The following ABCA13 variants were observed in gnomAD, a reference collection of about 807,000 sequenced individuals.
ABCA13 encodes the protein ATP binding cassette subfamily A member 13, also known as ATP-binding cassette sub-family A member 13.
In ABCA13, 476 loss-of-function variants were observed where a neutral mutation model predicts 478.7. The observed-to-expected ratio is 0.99, with a 90% CI of 0.92 to 1.07. ABCA13 has a LOEUF of 1.07. Ranked by LOEUF, ABCA13 falls within the 50% of genes least tolerant of loss-of-function variation. The pLI is 0.00. For missense variants in ABCA13, 6,060 were observed against 5,910.6 expected, an observed-to-expected ratio of 1.03 and a Z score of -0.83; for synonymous variants, 2,252 against 2,158.9, an observed-to-expected ratio of 1.04 and a Z score of -1.20.
At chr7:48,398,486 C>T (rs888052799) in intron 38 of ABCA13, among the ~76,000 whole-genome samples, 1 of 152,170 alleles carries the variant, frequency 6.6e-6, no homozygotes, top group Admixed American at 6.5e-5. Flanking sequence ...CCCTATTACT[C>T]TCCTGTATCA....
chr7:48,527,004 A>G (rs943382871), intron 54 of ABCA13, among the ~76,000 whole-genome samples: 30 of 152,148 alleles, frequency 2.0e-4, no homozygotes, highest in African/African-American at 6.8e-4. Context: ...AGTACTTTCT[A>G]AAAAGAACTG....
chr7:48,605,461 A>G (rs1489907239), intron 58 of ABCA13, among the ~76,000 whole-genome samples: 1 of 151,640 alleles, frequency 6.6e-6, no homozygotes, highest in Non-Finnish European at 1.5e-5. Flanking sequence ...TTGTCTGTAA[A>G]GGATTTGCTT....
intron 55 of ABCA13, among the ~76,000 whole-genome samples, chr7:48,533,495 A>G (rs1033471183): frequency 6.6e-5 from 10 of 151,998 alleles, no homozygotes; most frequent in Admixed American, 2.6e-4. Flanking sequence ...TTCTGTAATC[A>G]TCTGTTGAGT....
chr7:48,468,723 G>C (rs1827155498), intron 44 of ABCA13, among the ~76,000 whole-genome samples: 1 of 152,116 alleles, frequency 6.6e-6, no homozygotes, highest in African/African-American at 2.4e-5. Context: ...TTAACTAGAG[G>C]AAACATTTTA....
chr7:48,535,058 G>A lies in ABCA13; in HGVS notation c.14354+6713G>A, dbSNP rs1303984967. The stretch of plus-strand genomic sequence containing the variant: ...TGATCCATTGCTGGTGAGCTGATAC[G>A]ATCTTTTAGGGGTGTTAAAGAATTA... On this transcript the variant is annotated intron_variant, in intron 55 of 61. Coordinates refer to ENST00000435803, the MANE Select transcript of ABCA13 (RefSeq NM_152701.5). 2.0e-5 allele frequency among the ~76,000 whole-genome samples: 3 copies of A among 152,130 alleles called. No individual in the cohort carries two copies. The East Asian group carries it at 5.8e-4, about 29-fold the overall frequency.
chr7:48,241,105 A>T, intron 10 of ABCA13, 39 bp downstream of exon 10: 1 of 1,605,440 alleles, frequency 6.2e-7, no homozygotes, highest in East Asian at 2.2e-5. Context: ...GATTAGGTAG[A>T]TGACACAGAA....
At chr7:48,240,196 C>T (rs1178397385) in intron 9 of ABCA13, among the ~76,000 whole-genome samples, 1 of 152,240 alleles carries the variant, frequency 6.6e-6, no homozygotes. Context: ...GTGTTGTCGT[C>T]TGCTTCGTGG....
At chr7:48,186,201 A>G (rs1796330299) in intron 1 of ABCA13, among the ~76,000 whole-genome samples, 1 of 152,044 alleles carries the variant, frequency 6.6e-6, no homozygotes, top group Non-Finnish European at 1.5e-5. Context: ...CATTATTTGA[A>G]ATTAAAGCAT....
chr7:48,465,363 T>C (rs1826754179), intron 43 of ABCA13, among the ~76,000 whole-genome samples: 1 of 152,180 alleles, frequency 6.6e-6, no homozygotes, highest in Non-Finnish European at 1.5e-5. Flanking sequence ...AGGATGTGGT[T>C]GGAAATTCCT....
chr7:48,239,422 CTA>C lies in ABCA13; in HGVS notation c.1062+19_1062+20del, dbSNP rs1446662926. Reference sequence around the variant, plus strand: ...TACCAACAGGTGCTGTCCCCTCTCTCTATGTTCTGTTCAAAGGTGTGCCAGTT... The same window carrying C: ...TACCAACAGGTGCTGTCCCCTCTCTCTGTTCTGTTCAAAGGTGTGCCAGTT... On this transcript the variant is annotated intron_variant, in intron 9 of 61. Transcript: ENST00000435803. 6.2e-7 allele frequency: 1 copy of C among 1,602,178 alleles called. No homozygotes were observed.
chr7:48,209,986 T>C (rs939980781), intron 3 of ABCA13, among the ~76,000 whole-genome samples: 1 of 152,222 alleles, frequency 6.6e-6, no homozygotes, highest in Non-Finnish European at 1.5e-5. Context: ...TCTTTATTAT[T>C]TCTTCTACTA....
At chr7:48,344,149 A>AT (rs1196388538) in intron 29 of ABCA13, among the ~76,000 whole-genome samples, 1 of 152,120 alleles carries the variant, frequency 6.6e-6, no homozygotes, top group Non-Finnish European at 1.5e-5. Context: ...ACTGAGGATG[A>AT]TTTTGTCCTC....
chr7:48,617,569 G>A lies in ABCA13; in HGVS notation c.14837+2192G>A, dbSNP rs116746927. On this transcript the variant is annotated intron_variant, in intron 59 of 61. Transcript: ENST00000435803. Reference sequence around the variant, plus strand: ...AGCTACAGAAATCCCACAGAGGGGGGACCCAGAGGGCAGGGCTTGGGCTTC... The same window carrying A: ...AGCTACAGAAATCCCACAGAGGGGGAACCCAGAGGGCAGGGCTTGGGCTTC... Among the ~76,000 whole-genome samples, 784 of 152,252 alleles carry A rather than the reference G, an allele frequency of 5.1e-3. 9 individuals are homozygous for A. Among genetic ancestry groups the A allele is most frequent in the African/African-American group, 0.018 (755 of 41,548 alleles).
chr7:48,246,905 A>G (rs1367926352), intron 13 of ABCA13, among the ~76,000 whole-genome samples: 1 of 152,140 alleles, frequency 6.6e-6, no homozygotes, highest in Non-Finnish European at 1.5e-5. Flanking sequence ...TTGGAAGCAA[A>G]GAGAAGTCAG....
Position 48,274,683 on chromosome 7 carries a change from G to A in ABCA13, c.5017G>A (p.Ala1673Thr). ...TTCTGTCATGCGTACCCTTAAGAAGGCAGACATAGACCTTTTAGTGGATCA... is the reference window on the plus strand; with the variant it reads ...TTCTGTCATGCGTACCCTTAAGAAGACAGACATAGACCTTTTAGTGGATCA... ...VTSVMRTLKKADIDLLVDQLE... is the reference protein window; with the variant it reads ...VTSVMRTLKKTDIDLLVDQLE... The change falls in exon 17 of 62, where the codon GCA becomes ACA. Residue 1673 changes from alanine to threonine, a missense_variant. Transcript: ENST00000435803. 6.2e-7 allele frequency: 1 copy of A among 1,613,952 alleles called. No homozygotes were observed. The highest frequency in any genetic ancestry group is 8.5e-7 in the Non-Finnish European group (1 of 1,179,856).
chr7:48,277,270 C>T (rs1305925043), intron 17 of ABCA13, among the ~76,000 whole-genome samples: 4 of 152,076 alleles, frequency 2.6e-5, no homozygotes, highest in Non-Finnish European at 5.9e-5. Flanking sequence ...AGGGGCGCTG[C>T]GGGCATGAGT....
Position 48,273,861 on chromosome 7 carries a change from G to A in ABCA13, c.4195G>A (p.Asp1399Asn), listed in dbSNP as rs756550750. Residue 1399 changes from aspartate to asparagine, a missense_variant, in exon 17 of 62, where the codon GAT becomes AAT. Around this residue, in one of 3 missense-constraint regions of ABCA13, gnomAD observed 4,423 missense variants for 4,309.1 expected, o/e 1.03. Coordinates refer to ENST00000435803, the MANE Select transcript of ABCA13 (RefSeq NM_152701.5). ...SSLKGCIVWL[D>N]VINHLYLLSN... is the part of the protein sequence containing the mutation. ...TCTGAAAGGATGCATTGTATGGTTAGATGTCATAAACCATTTGTATTTGTT... is the reference window on the plus strand; with the variant it reads ...TCTGAAAGGATGCATTGTATGGTTAAATGTCATAAACCATTTGTATTTGTT... The A allele has an allele frequency of 3.7e-6, 6 of 1,612,380 alleles. No homozygotes were observed. In the Admixed American group the frequency reaches 8.4e-5, roughly 22 times the overall value.
At chr7:48,523,149 T>A (rs1832668953) in intron 53 of ABCA13, among the ~76,000 whole-genome samples, 1 of 152,188 alleles carries the variant, frequency 6.6e-6, no homozygotes, top group South Asian at 2.1e-4. Context: ...GCAATCCTTA[T>A]TTTTATTTTT....
intron 55 of ABCA13, among the ~76,000 whole-genome samples, chr7:48,573,901 T>A (rs1488564061): frequency 6.6e-6 from 1 of 152,136 alleles, no homozygotes; most frequent in Non-Finnish European, 1.5e-5. Flanking sequence ...TCTCCTTGGC[T>A]TATAAAGGAC....
Sources: gnomAD v4.1 joint callset for allele counts (sites outside exome capture counted in the v4.1 genomes callset) on GRCh38, gnomAD v4.1.1 for gene constraint, gnomAD v4.1.1 regional missense constraint, MANE v1.5 for transcripts, NCBI Gene and HGNC (gene_info 2026-07-23, HGNC 2026-07-21) for gene names.